The following EPG5 variants were observed in gnomAD, a reference collection of about 807,000 sequenced individuals.
EPG5 encodes the protein ectopic P granules protein 5 homolog.
A neutral mutation model predicts 302.7 loss-of-function variants in EPG5; 159 were observed. That is an observed-to-expected ratio of 0.53 (90% CI 0.46 to 0.60). The LOEUF is 0.60. Among genes scored for constraint, EPG5 ranks in the 20% least tolerant of loss-of-function variants. The probability of loss-of-function intolerance (pLI) is 0.00; values close to 1 mark genes in which losing one functional copy is unlikely to be tolerated. For synonymous variants in EPG5, 1,158 were observed against 1,136.8 expected (o/e 1.02, Z -0.37); for missense variants, 2,896 against 3,092.4 (o/e 0.94, Z 1.51).
intron 6 of EPG5, among the ~76,000 whole-genome samples, chr18:45,948,277 T>C (rs950333145): frequency 1.3e-5 from 2 of 152,258 alleles, no homozygotes; most frequent in African/African-American, 4.8e-5. Context: ...ATAGTATATA[T>C]GACCCACTAA....
the EPG5 span, chr18:45,838,433 G>C: frequency 4.0e-5 from 20 of 502,638 alleles, no homozygotes; most frequent in African/African-American, 3.7e-4. Flanking sequence ...GCATTTGCTA[G>C]GGAGCCGGGA....
intron 1 of EPG5, among the ~76,000 whole-genome samples, chr18:45,960,062 T>C (rs940318042): frequency 6.6e-6 from 1 of 152,150 alleles, no homozygotes; most frequent in African/African-American, 2.4e-5. Context: ...GAGGATCCCT[T>C]GAGCCCAAGA....
chr18:45,939,661 G>A lies in EPG5; in HGVS notation c.2038C>T (p.Leu680=). Residue 680 remains leucine, a synonymous_variant, in exon 10 of 44, where the codon CTA becomes TTA. Coordinates refer to ENST00000282041, the MANE Select transcript of EPG5 (RefSeq NM_020964.3). ...LAQQPYSMEK[L]QVEFDELFLR... ...AACAGTTCATCAAATTCAACCTGTA[G>A]TTTCTCCATAGAGTAGGGCTGTTGG... The A allele has an allele frequency of 6.2e-7, 1 of 1,614,156 alleles. No individual in the cohort carries two copies. Among genetic ancestry groups the A allele is most frequent in the African/African-American group, 1.3e-5 (1 of 75,040 alleles).
chr18:45,933,833 A>G (rs1217692956), intron 11 of EPG5, among the ~76,000 whole-genome samples: 1 of 152,142 alleles, frequency 6.6e-6, no homozygotes, highest in African/African-American at 2.4e-5. Flanking sequence ...GCTGTGAAGG[A>G]AAAAACACTT....
At chr18:45,949,429 T>C (rs1385439903) in intron 5 of EPG5, 55 bp downstream of exon 5, 3 of 960,116 alleles carry the variant, frequency 3.1e-6, no homozygotes, top group Admixed American at 2.3e-5. Context: ...TCAGGAATAA[T>C]GTCTAATAAA....
Position 45,870,702 on chromosome 18 carries a change from G to C in EPG5, c.6090C>G (p.His2030Gln). 1 of 1,611,978 alleles carries C rather than the reference G, an allele frequency of 6.2e-7. No individual in the cohort carries two copies. Among genetic ancestry groups the C allele is most frequent in the Non-Finnish European group, 8.5e-7 (1 of 1,178,742 alleles). ...LPGDAGALWL[H>Q]LMHYCEACTA... ...TACATGCTTCACAATAATGCATCAG[G>C]TGCAACCAAAGGGCTCCTGCATCAC... The change falls in exon 36 of 44, where the codon CAC (histidine) becomes CAG (glutamine). Residue 2030 changes from histidine (H) to glutamine (Q), a missense_variant. Transcript: ENST00000282041.
At chr18:45,867,049 T>G in intron 37 of EPG5, 42 bp from the exon 38 acceptor site, 1 of 1,493,958 alleles carries the variant, frequency 6.7e-7, no homozygotes, top group South Asian at 1.1e-5. Flanking sequence ...AGAGCCCCAA[T>G]TTTTCCAGAA....
rs1479299665 is a variant in EPG5, at chr18:45,967,202, G to A, written c.38C>T (p.Ala13Val). The A allele has an allele frequency of 2.5e-6, 4 of 1,605,698 alleles. No individual in the cohort carries two copies. The highest frequency in any genetic ancestry group is 3.4e-6 in the Non-Finnish European group (4 of 1,176,308). ...EAVKPQRRAK[A>V]KASRTKTKEK... ...CTTTGTTTTAGTCCGGCTGGCCTTG[G>A]CCTTGGCCCGGCGCTGGGGCTTCAC... is the stretch of plus-strand genomic sequence containing the variant. Residue 13 changes from alanine (A) to valine (V), a missense_variant, in exon 1 of 44, where the codon GCC becomes GTC. Around this residue, in one of 5 missense-constraint regions of EPG5, gnomAD observed 1,390 missense variants for 1,430.0 expected, o/e 0.97. Transcript: ENST00000282041.
In EPG5 at chr18:45,916,542, C is replaced by T. The variant is rs200966889; in HGVS notation, c.3280G>A (p.Gly1094Ser). ...TGTTGTGTGACACCCTGAGGGACAC[C>T]GCTGTCCAAGTGTAGGAACAAGAGG... ...HLLLFLHLDSGVPQGVTQQVT... is the reference protein window; with the variant it reads ...HLLLFLHLDSSVPQGVTQQVT... The change falls in exon 18 of 44, where the codon GGT becomes AGT. Residue 1094 changes from glycine (G) to serine (S), a missense_variant. By Grantham distance (56) the Gly-to-Ser change is moderately conservative (BLOSUM62 0). This residue lies in a region of EPG5 where 1,390 missense variants were observed against 1,430.0 expected (regional missense o/e 0.97). Transcript: ENST00000282041. 2.0e-4 allele frequency: 318 copies of T among 1,610,942 alleles called. No individual in the cohort carries two copies. Among genetic ancestry groups the T allele is most frequent in the Admixed American group, 4.2e-4 (25 of 59,970 alleles).
intron 10 of EPG5, 115 bp downstream of exon 10, chr18:45,939,485 A>G: frequency 9.5e-7 from 1 of 1,048,332 alleles, no homozygotes; most frequent in East Asian, 2.5e-5. Context: ...AATAAGAAAT[A>G]GATGAAATAC....
chr18:45,941,978 C>T (rs1035593077), intron 9 of EPG5, among the ~76,000 whole-genome samples: 1 of 152,188 alleles, frequency 6.6e-6, no homozygotes, highest in Non-Finnish European at 1.5e-5. Context: ...AATCCCAGAA[C>T]TTTGGGAGGC....
intron 27 of EPG5, among the ~76,000 whole-genome samples, chr18:45,898,039 G>A (rs958568172): frequency 9.9e-5 from 15 of 152,172 alleles, no homozygotes; most frequent in Non-Finnish European, 2.1e-4. Context: ...GACTTCACTC[G>A]AAGGAGGAAT....
intron 24 of EPG5, 106 bp from the exon 25 acceptor site, chr18:45,904,223 G>C: frequency 7.7e-6 from 10 of 1,293,410 alleles, no homozygotes; most frequent in Non-Finnish European, 1.1e-5. Flanking sequence ...AACACGAAGT[G>C]GTCTACTCCA....
At chr18:45,854,122 T>C (rs2048467443) in intron 43 of EPG5, among the ~76,000 whole-genome samples, 1 of 152,118 alleles carries the variant, frequency 6.6e-6, no homozygotes, top group African/African-American at 2.4e-5. Context: ...TCTTCTCAAA[T>C]ACACCCTGCA....
At chr18:45,892,711 A>G (rs539173556) in intron 27 of EPG5, among the ~76,000 whole-genome samples, 1 of 152,364 alleles carries the variant, frequency 6.6e-6, no homozygotes, top group South Asian at 2.1e-4. Context: ...CTCACTTCCC[A>G]TAAAATATAT....
intron 43 of EPG5, among the ~76,000 whole-genome samples, chr18:45,854,722 G>C (rs1187707459): frequency 6.6e-6 from 1 of 152,074 alleles, no homozygotes; most frequent in African/African-American, 2.4e-5. Flanking sequence ...TTAGCCAGGA[G>C]TGGCAATGCA....
chr18:45,846,521 CAAAAAA>C (rs67294951), downstream of EPG5, among the ~76,000 whole-genome samples: 6 of 46,368 alleles, frequency 1.3e-4, no homozygotes, highest in African/African-American at 5.4e-4. Context: ...AACTCCCTCT[CAAAAAA>C]AAAAAAAAAA....
At chr18:45,883,143 T>C (rs1285679715) in intron 30 of EPG5, among the ~76,000 whole-genome samples, 1 of 152,206 alleles carries the variant, frequency 6.6e-6, no homozygotes, top group East Asian at 1.9e-4. Flanking sequence ...AAAATTTTAC[T>C]GATGATTCAT....
downstream of EPG5, chr18:45,843,432 C>G (rs1279070292): frequency 2.6e-5 from 4 of 152,224 alleles, no homozygotes; most frequent in East Asian, 7.7e-4. Context: ...AGGCCATGAA[C>G]AAGACATCTC....
Sources: gnomAD v4.1 joint callset for allele counts (sites outside exome capture counted in the v4.1 genomes callset) on GRCh38, gnomAD v4.1.1 for gene constraint, gnomAD v4.1.1 regional missense constraint, MANE v1.5 for transcripts, NCBI Gene and HGNC (gene_info 2026-07-23, HGNC 2026-07-21) for gene names.